PPARGC1A: variants seen among roughly 807,000 people sequenced by gnomAD.
PPARGC1A encodes the protein peroxisome proliferator-activated receptor gamma coactivator 1-alpha.
PPARGC1A carries 25 observed loss-of-function variants against 88.7 expected under a neutral mutation model. The observed-to-expected ratio is 0.28, with a 90% CI of 0.21 to 0.39. The LOEUF (loss-of-function observed/expected upper bound fraction) is 0.39, where lower values mean the gene tolerates loss of function less well. Among genes scored for constraint, PPARGC1A ranks in the 10% least tolerant of loss-of-function variants. The pLI is 1.00. For missense variants in PPARGC1A, 880 were observed against 968.7 expected, an observed-to-expected ratio of 0.91 and a Z score of 1.22; for synonymous variants, 363 against 355.6, an observed-to-expected ratio of 1.02 and a Z score of -0.24.
chr4:23,827,889 AAAG>A (rs1026277381), intron 5 of PPARGC1A, among the ~76,000 whole-genome samples: 3 of 152,050 alleles, frequency 2.0e-5, no homozygotes, highest in African/African-American at 4.8e-5. Flanking sequence ...GGAGAAGGAG[AAAG>A]AAGGAGAGGG....
At chr4:24,078,256 T>C in the PPARGC1A span, among the ~76,000 whole-genome samples, 1 of 152,082 alleles carries the variant, frequency 6.6e-6, no homozygotes, top group Admixed American at 6.6e-5. Context: ...TTTACTGCAA[T>C]GTGACATGGA....
chr4:24,159,102 A>G, the PPARGC1A span, among the ~76,000 whole-genome samples: 1 of 152,016 alleles, frequency 6.6e-6, no homozygotes, highest in East Asian at 1.9e-4. Flanking sequence ...TTGGACAAGC[A>G]TTTATAAATG....
At chr4:24,398,590 C>T in the PPARGC1A span, among the ~76,000 whole-genome samples, 2 of 152,314 alleles carry the variant, frequency 1.3e-5, no homozygotes, top group African/African-American at 4.8e-5. Context: ...TCTGTAGCAT[C>T]ACAACTCCAA....
the PPARGC1A span, among the ~76,000 whole-genome samples, chr4:24,362,466 GT>G: frequency 6.6e-6 from 1 of 152,024 alleles, no homozygotes; most frequent in African/African-American, 2.4e-5. Flanking sequence ...TTTTACTTTT[GT>G]TTTGGCTTGG....
At chr4:23,898,159 T>A (rs373427930) in intron 1 of PPARGC1A, among the ~76,000 whole-genome samples, 1 of 152,222 alleles carries the variant, frequency 6.6e-6, no homozygotes, top group African/African-American at 2.4e-5. Flanking sequence ...ACTGTACATA[T>A]TTTTAATTTA....
the PPARGC1A span, among the ~76,000 whole-genome samples, chr4:24,207,407 T>C: frequency 3.3e-5 from 5 of 152,186 alleles, no homozygotes; most frequent in Non-Finnish European, 7.3e-5. Context: ...TTCTGAAAAT[T>C]ATAGGTTTGA....
the PPARGC1A span, among the ~76,000 whole-genome samples, chr4:24,263,456 TACACACACACACAC>T: frequency 6.7e-6 from 1 of 150,190 alleles, no homozygotes; most frequent in East Asian, 2.0e-4. Context: ...TGTGGGTGTA[TACACACACACACAC>T]ACACACACAC....
the PPARGC1A span, among the ~76,000 whole-genome samples, chr4:24,015,647 G>A: frequency 6.6e-6 from 1 of 152,132 alleles, no homozygotes; most frequent in Non-Finnish European, 1.5e-5. Flanking sequence ...GTGCGTGTGT[G>A]TGAGTGTAAT....
At chr4:24,083,137 T>C in the PPARGC1A span, among the ~76,000 whole-genome samples, 1 of 152,176 alleles carries the variant, frequency 6.6e-6, no homozygotes, top group Non-Finnish European at 1.5e-5. Context: ...GGAACTGTCC[T>C]AGGCCCTGAG....
chr4:24,305,233 T>G, the PPARGC1A span, among the ~76,000 whole-genome samples: 1 of 150,428 alleles, frequency 6.6e-6, no homozygotes, highest in African/African-American at 2.4e-5. Context: ...TTCTTAGTGA[T>G]AGCATGATCA....
the PPARGC1A span, among the ~76,000 whole-genome samples, chr4:24,270,716 T>C: frequency 1.3e-5 from 2 of 152,224 alleles, no homozygotes; most frequent in East Asian, 3.8e-4. Context: ...GCCGAAGATA[T>C]CCACTGATTG....
At chr4:24,131,172 T>A in the PPARGC1A span, among the ~76,000 whole-genome samples, 5 of 152,262 alleles carry the variant, frequency 3.3e-5, no homozygotes, top group African/African-American at 1.2e-4. Flanking sequence ...CACACAGTGC[T>A]TCTTTGATAA....
the PPARGC1A span, among the ~76,000 whole-genome samples, chr4:23,910,179 A>T: frequency 1.7e-3 from 209 of 120,492 alleles, 3 homozygotes; most frequent in Admixed American, 0.018. Context: ...ATATATAATA[A>T]ATATATATAA....
chr4:24,080,759 G>A, the PPARGC1A span, among the ~76,000 whole-genome samples: 1 of 152,078 alleles, frequency 6.6e-6, no homozygotes, highest in African/African-American at 2.4e-5. Context: ...ATGAAACTGA[G>A]GGTTTAGAGT....
At chr4:23,857,373 G>GTGTAT (rs148212399) in intron 2 of PPARGC1A, among the ~76,000 whole-genome samples, 1 of 104,452 alleles carries the variant, frequency 9.6e-6, no homozygotes, top group African/African-American at 4.0e-5. Context: ...GTGTGTGTGT[G>GTGTAT]ACACACACAC....
chr4:24,202,094 G>T, the PPARGC1A span, among the ~76,000 whole-genome samples: 8 of 151,938 alleles, frequency 5.3e-5, no homozygotes, highest in East Asian at 1.9e-4. Context: ...TAGTGACAGG[G>T]TTTCACCATG....
chr4:24,076,026 G>A, the PPARGC1A span, among the ~76,000 whole-genome samples: 2 of 152,074 alleles, frequency 1.3e-5, no homozygotes, highest in African/African-American at 4.8e-5. Flanking sequence ...GTTCCCATTA[G>A]CCAGGTAATG....
chr4:24,032,277 A>C, the PPARGC1A span, among the ~76,000 whole-genome samples: 1 of 152,214 alleles, frequency 6.6e-6, no homozygotes. Flanking sequence ...TTTATAAATG[A>C]GGGGCACAAG....
At chr4:23,880,089 G>T (rs539746337) in intron 2 of PPARGC1A, 2 of 151,976 alleles carry the variant, frequency 1.3e-5, no homozygotes, top group African/African-American at 2.4e-5. Context: ...ACACGAGCTC[G>T]CAATGTTTGC....
Sources: gnomAD v4.1 joint callset for allele counts (sites outside exome capture counted in the v4.1 genomes callset) on GRCh38, gnomAD v4.1.1 for gene constraint, MANE v1.5 for transcripts, NCBI Gene and HGNC (gene_info 2026-07-23, HGNC 2026-07-21) for gene names.